The following RABEP1 variants were observed in gnomAD, a reference collection of about 807,000 sequenced individuals.
RABEP1 encodes the protein rabaptin, RAB GTPase binding effector protein 1, also known as rab GTPase-binding effector protein 1.
RABEP1 carries 51 observed loss-of-function variants against 123.4 expected under a neutral mutation model. That is an observed-to-expected ratio of 0.41 (90% confidence interval 0.33 to 0.52). The LOEUF is 0.52. Among genes scored for constraint, RABEP1 ranks in the 20% least tolerant of loss-of-function variants. RABEP1 has a pLI of 0.16. For missense variants in RABEP1, 888 were observed against 996.3 expected (o/e 0.89, Z 1.46); for synonymous variants, 347 against 355.2 (o/e 0.98, Z 0.26).
At chr17:5,332,229 C>T (rs1906616633) in intron 3 of RABEP1, 77 bp downstream of exon 3, 2 of 1,349,722 alleles carry the variant, frequency 1.5e-6, no homozygotes, top group African/African-American at 1.5e-5. Flanking sequence ...TTCAGAGAAT[C>T]TTAAAATATA....
intron 14 of RABEP1, among the ~76,000 whole-genome samples, chr17:5,377,755 G>C (rs1911122247): frequency 6.6e-6 from 1 of 152,076 alleles, no homozygotes; most frequent in Non-Finnish European, 1.5e-5. Flanking sequence ...TCGAACTCCT[G>C]ACCTCAGGTG....
chr17:5,327,363 C>A lies in RABEP1; in HGVS notation c.164-4586C>A, dbSNP rs530597176. Among the ~76,000 whole-genome samples the A allele has an allele frequency of 2.2e-3, 327 of 148,682 alleles. 2 individuals are homozygous for A. In the East Asian group the frequency reaches 0.029, roughly 13 times the overall value. On this transcript the variant is annotated intron_variant, in intron 2 of 17. Coordinates refer to ENST00000537505, the MANE Select transcript of RABEP1 (RefSeq NM_004703.6). ...ATTCTGTCTCAAAAAAAAAAAAAAA[C>A]CCCAAAAAACAAACAAAACCCAAAA...
At chr17:5,357,997 TAGGGC>T (rs1198016088) in intron 8 of RABEP1, among the ~76,000 whole-genome samples, 1 of 152,144 alleles carries the variant, frequency 6.6e-6, no homozygotes, top group Admixed American at 6.5e-5. Flanking sequence ...TGGGTTCATT[TAGGGC>T]AGGGGAAATA....
intron 2 of RABEP1, among the ~76,000 whole-genome samples, chr17:5,320,421 CAAAAAAAAAAAA>C (rs60202531): frequency 4.7e-4 from 40 of 84,648 alleles, no homozygotes; most frequent in Admixed American, 2.2e-3. Flanking sequence ...GCTAACACAC[CAAAAAAAAAAAA>C]AAAAAAAAAA....
rs60202531 is a variant in RABEP1, at chr17:5,320,421, C to CAAAA, written c.164-11508_164-11505dup. On this transcript the variant is annotated intron_variant, in intron 2 of 17. Transcript: ENST00000537505. ...TGAAATTTAAAAAATGCTAACACAC[C>CAAAA]AAAAAAAAAAAAAAAAAAAAAAAGA... 4.4e-3 allele frequency among the ~76,000 whole-genome samples: 374 copies of CAAAA among 84,396 alleles called. 1 individual carries two copies. Among genetic ancestry groups the CAAAA allele is most frequent in the African/African-American group, 6.3e-3 (146 of 23,246 alleles). The allele number at this position is 84,396 out of a possible 152,430, so 55.4% of individuals were successfully genotyped here. A position where few individuals can be genotyped will look rare whatever the true frequency, so the allele number is the denominator to read the frequency against.
intron 2 of RABEP1, among the ~76,000 whole-genome samples, chr17:5,315,837 G>A (rs1382451055): frequency 6.6e-6 from 1 of 152,182 alleles, no homozygotes; most frequent in African/African-American, 2.4e-5. Context: ...GGGCCACAGA[G>A]TGAGACTCCA....
At position 5,384,568 on chromosome 17, in the gene RABEP1, T is replaced by C. The variant is rs974825937; in HGVS notation, c.*1345T>C. ...AACGCCACCATCAACTTAAAGTGAA[T>C]TGTCTTTGTTATAAATGAGGTCACT... On this transcript the variant is annotated 3_prime_UTR_variant, in exon 18 of 18. Coordinates refer to ENST00000537505, the MANE Select transcript of RABEP1 (RefSeq NM_004703.6). 2.3e-5 allele frequency: 5 copies of C among 215,896 alleles called. No individual in the cohort carries two copies. Among genetic ancestry groups the C allele is most frequent in the Non-Finnish European group, 4.7e-5 (5 of 107,502 alleles). 13.4% of individuals were successfully genotyped at this position (215,896 alleles called of 1,614,324 possible).
At chr17:5,297,725 A>T (rs1206752720) in intron 1 of RABEP1, among the ~76,000 whole-genome samples, 1 of 152,234 alleles carries the variant, frequency 6.6e-6, no homozygotes, top group African/African-American at 2.4e-5. Flanking sequence ...AAGCTAGAAG[A>T]TAGTCCTATT....
Position 5,377,266 on chromosome 17 carries a change from A to G in RABEP1, c.2176A>G (p.Thr726Ala), listed in dbSNP as rs750055273. Residue 726 changes from threonine to alanine, a missense_variant, in exon 14 of 18, where the codon ACT (threonine) becomes GCT (alanine). Coordinates refer to ENST00000537505, the MANE Select transcript of RABEP1 (RefSeq NM_004703.6). ...GTGTTTAAAAGAAAATCTTGAAGAAACTCTGCAACTAGAAATAGAAAACTG... is the reference window on the plus strand; with the variant it reads ...GTGTTTAAAAGAAAATCTTGAAGAAGCTCTGCAACTAGAAATAGAAAACTG... ...EQCLKENLEETLQLEIENCKE... is the reference protein window; with the variant it reads ...EQCLKENLEEALQLEIENCKE... The G allele has an allele frequency of 1.3e-6, 2 of 1,591,390 alleles. No individual in the cohort carries two copies. The highest frequency in any genetic ancestry group is 3.9e-5 in the Admixed American group (2 of 51,706).
At chr17:5,320,006 T>C (rs2075337639) in intron 2 of RABEP1, among the ~76,000 whole-genome samples, 1 of 151,992 alleles carries the variant, frequency 6.6e-6, no homozygotes, top group South Asian at 2.1e-4. Flanking sequence ...GAGAAGGATA[T>C]AAATATCCAC....
chr17:5,374,314 A>G (rs1486673824), intron 13 of RABEP1, among the ~76,000 whole-genome samples: 1 of 151,912 alleles, frequency 6.6e-6, no homozygotes, highest in Non-Finnish European at 1.5e-5. Flanking sequence ...GTGAGCCACC[A>G]TGCCCAGCCA....
At chr17:5,330,313 T>A (rs1438419006) in intron 2 of RABEP1, among the ~76,000 whole-genome samples, 1 of 152,216 alleles carries the variant, frequency 6.6e-6, no homozygotes, top group Non-Finnish European at 1.5e-5. Flanking sequence ...GGCTAGAGAT[T>A]CAAAATATTT....
At position 5,348,024 on chromosome 17, in the gene RABEP1, CT is replaced by C. The variant is rs1908217066; in HGVS notation, c.784+1100del. ...CAGAGGTTCATTCTTGTTGCCCAGG[CT>C]GGAGTGCAGTGGTGTGATCTCGGCT... On this transcript the variant is annotated intron_variant, in intron 6 of 17. Transcript: ENST00000537505. Among the ~76,000 whole-genome samples the C allele has an allele frequency of 2.6e-5, 4 of 152,290 alleles. No individual in the cohort carries two copies. The South Asian group carries it at 8.3e-4, about 32-fold the overall frequency.
At chr17:5,327,326 A>C (rs1243668547) in intron 2 of RABEP1, among the ~76,000 whole-genome samples, 1 of 151,010 alleles carries the variant, frequency 6.6e-6, no homozygotes, top group South Asian at 2.1e-4. Context: ...CCAGCCTGGG[A>C]GACAGAGTGA....
In RABEP1 at chr17:5,384,949, T is replaced by C. The variant is rs1278758357; in HGVS notation, c.*1726T>C. On this transcript the variant is annotated 3_prime_UTR_variant, in exon 18 of 18. Coordinates refer to ENST00000537505, the MANE Select transcript of RABEP1 (RefSeq NM_004703.6). Reference sequence around the variant, plus strand: ...TTTGTCTTCAGATTATTAAAATTAGTGCTGTAAATCAGGGTGGGCAATTCA... The same window carrying C: ...TTTGTCTTCAGATTATTAAAATTAGCGCTGTAAATCAGGGTGGGCAATTCA... The C allele has an allele frequency of 4.4e-6, 1 of 226,616 alleles. No individual in the cohort carries two copies. Among genetic ancestry groups the C allele is most frequent in the African/African-American group, 2.2e-5 (1 of 45,032 alleles). The allele number at this position is 226,616 out of a possible 1,614,324, so 14.0% of individuals were successfully genotyped here.
chr17:5,361,514 T>G lies in RABEP1; in HGVS notation c.1402T>G (p.Leu468Val). Residue 468 changes from leucine (L) to valine (V), a missense_variant, in exon 9 of 18, where the codon TTA becomes GTA. Coordinates refer to ENST00000537505, the MANE Select transcript of RABEP1 (RefSeq NM_004703.6). ...ACTCCAGATGCCAAGTGGGTTTATG[T>G]TAACCAAAGATCAGGAAAGAGCAAT... Reference protein sequence around the residue: ...GSLQMPSGFMLTKDQERAIKA... With the variant: ...GSLQMPSGFMVTKDQERAIKA... The G allele has an allele frequency of 6.2e-7, 1 of 1,614,192 alleles. No individual in the cohort carries two copies. Among genetic ancestry groups the G allele is most frequent in the East Asian group, 2.2e-5 (1 of 44,890 alleles).
At position 5,380,355 on chromosome 17, in the gene RABEP1, T is replaced by C; in HGVS notation, c.2272-9T>C. On this transcript the variant is annotated splice_polypyrimidine_tract_variant and intron_variant, in intron 15 of 17. Transcript: ENST00000537505. ...TTTCTGTGAGTTTCAGCTTTTTCCT[T>C]TTTCACAGTTGGAGTCCACATTAAG... The C allele has an allele frequency of 6.5e-7, 1 of 1,537,842 alleles. No homozygotes were observed. Among genetic ancestry groups the C allele is most frequent in the Non-Finnish European group, 8.8e-7 (1 of 1,135,690 alleles).
rs1597294578 is a variant in RABEP1, at chr17:5,373,586, GT to G, written c.2025+133del. The G allele has an allele frequency of 2.8e-6, 3 of 1,073,084 alleles. No homozygotes were observed. In the African/African-American group the frequency reaches 4.9e-5, roughly 17 times the overall value. The allele number at this position is 1,073,084 out of a possible 1,614,324, so 66.5% of individuals were successfully genotyped here. On this transcript the variant is annotated intron_variant, in intron 13 of 17. Transcript: ENST00000537505. ...TCAACCATTTAAAATGTACCATTCA[GT>G]GGTTTTTGCTGTACTCACAGATGTG...
At chr17:5,284,590 C>T (rs2074959568) in intron 1 of RABEP1, among the ~76,000 whole-genome samples, 1 of 152,084 alleles carries the variant, frequency 6.6e-6, no homozygotes. Context: ...CCTCAGCCTC[C>T]CAAGTAGCTG....
Sources: gnomAD v4.1 joint callset for allele counts (sites outside exome capture counted in the v4.1 genomes callset) on GRCh38, gnomAD v4.1.1 for gene constraint, MANE v1.5 for transcripts, NCBI Gene and HGNC (gene_info 2026-07-23, HGNC 2026-07-21) for gene names.